Variants in LIN54 observed in about 807,000 individuals in gnomAD.
The protein encoded by LIN54 is protein lin-54 homolog.
A neutral mutation model predicts 78.7 loss-of-function variants in LIN54; 9 were observed. That is an observed-to-expected ratio of 0.11 (90% CI 0.07 to 0.20). LIN54 has a LOEUF of 0.20. Ranked by LOEUF, LIN54 falls within the 10% of genes least tolerant of loss-of-function variation. LIN54 has a pLI of 1.00. For missense variants in LIN54, 573 were observed against 889.9 expected (o/e 0.64, Z 4.53); for synonymous variants, 269 against 318.4 (o/e 0.84, Z 1.65).
chr4:82,942,203 T>A (rs1226694751), intron 5 of LIN54, among the ~76,000 whole-genome samples: 3 of 152,128 alleles, frequency 2.0e-5, no homozygotes, highest in Non-Finnish European at 4.4e-5. Context: ...CTGAGAGTCC[T>A]AGAAGAGAAT....
At chr4:82,955,986 G>T (rs1383969570) in intron 4 of LIN54, among the ~76,000 whole-genome samples, 3 of 152,146 alleles carry the variant, frequency 2.0e-5, no homozygotes, top group Admixed American at 2.0e-4. Flanking sequence ...TTTTGAGATG[G>T]AGTCTTGCTC....
chr4:82,967,208 G>C (rs929248308), intron 4 of LIN54, among the ~76,000 whole-genome samples: 5 of 146,864 alleles, frequency 3.4e-5, no homozygotes, highest in African/African-American at 1.3e-4. Flanking sequence ...CCTGGTGACA[G>C]AGCAAGACTC....
intron 4 of LIN54, among the ~76,000 whole-genome samples, chr4:82,955,181 T>C (rs1204212131): frequency 2.0e-5 from 3 of 152,064 alleles, no homozygotes; most frequent in Admixed American, 1.3e-4. Flanking sequence ...CTGGCCAACA[T>C]GTTGAAACCT....
At chr4:83,011,079 G>T (rs1729832055), upstream of LIN54, among the ~76,000 whole-genome samples, 1 of 152,214 alleles carries the variant, frequency 6.6e-6, no homozygotes, top group African/African-American at 2.4e-5. Flanking sequence ...CCATGCGGAG[G>T]GTGGCATAAG....
chr4:83,007,994 C>T (rs1729542122), intron 1 of LIN54, among the ~76,000 whole-genome samples: 1 of 152,102 alleles, frequency 6.6e-6, no homozygotes, highest in South Asian at 2.1e-4. Context: ...CAGATTACAC[C>T]TTCACCATGA....
intron 1 of LIN54, among the ~76,000 whole-genome samples, chr4:83,000,974 C>T (rs1040648624): frequency 1.6e-4 from 24 of 151,918 alleles, no homozygotes; most frequent in African/African-American, 5.5e-4. Flanking sequence ...CGCGCCACCA[C>T]GCCCAGCTAA....
intron 1 of LIN54, among the ~76,000 whole-genome samples, chr4:83,000,929 T>C (rs1463957336): frequency 6.6e-6 from 1 of 150,496 alleles, no homozygotes; most frequent in Non-Finnish European, 1.5e-5. Context: ...GCAATTCTCC[T>C]GCCTCAGCCT....
chr4:82,946,307 G>A lies in LIN54; in HGVS notation c.1119C>T (p.Thr373=), dbSNP rs1723356872. 6.2e-7 allele frequency: 1 copy of A among 1,614,090 alleles called. No individual in the cohort carries two copies. Among genetic ancestry groups the A allele is most frequent in the Non-Finnish European group, 8.5e-7 (1 of 1,180,030 alleles). Residue 373 remains threonine (T), a synonymous_variant, in exon 5 of 13, where the codon ACC becomes ACT. Coordinates refer to ENST00000340417, the MANE Select transcript of LIN54 (RefSeq NM_194282.4). ...TACTGGGATTCTGACTAACTGGCTG[G>A]GTTGAGCTACTGGCTGATGTGGCAG... ...LVTATSASSS[T]QPVSQNPSTN... is the part of the protein sequence containing the mutation.
At chr4:82,970,717 CTGT>C (rs1240762888) in intron 3 of LIN54, among the ~76,000 whole-genome samples, 1 of 152,190 alleles carries the variant, frequency 6.6e-6, no homozygotes, top group African/African-American at 2.4e-5. Flanking sequence ...TTCATCAATA[CTGT>C]TGTTATATCC....
At chr4:83,010,930 A>C, upstream of LIN54, 1 of 893,790 alleles carries the variant, frequency 1.1e-6, no homozygotes, top group Non-Finnish European at 1.4e-6. Context: ...CAAACGCACA[A>C]GGGCCGTGCA....
chr4:82,946,123 C>T, intron 5 of LIN54, 135 bp downstream of exon 5: 1 of 712,724 alleles, frequency 1.4e-6, no homozygotes, highest in East Asian at 2.5e-5. Flanking sequence ...TTCTATTTCA[C>T]TGCCTTCTGC....
At chr4:82,953,281 T>G (rs1005103260) in intron 4 of LIN54, among the ~76,000 whole-genome samples, 2 of 152,188 alleles carry the variant, frequency 1.3e-5, no homozygotes, top group Non-Finnish European at 2.9e-5. Context: ...TGTGCCAGCA[T>G]GCAAGACTGG....
chr4:82,965,817 G>C (rs34461308), intron 4 of LIN54, among the ~76,000 whole-genome samples: 2 of 152,152 alleles, frequency 1.3e-5, no homozygotes, highest in African/African-American at 4.8e-5. Flanking sequence ...GCAGACTCAA[G>C]GCAGATAGCA....
chr4:82,932,102 T>A (rs1200739027), intron 11 of LIN54, among the ~76,000 whole-genome samples: 3 of 148,214 alleles, frequency 2.0e-5, no homozygotes, highest in African/African-American at 7.5e-5. Flanking sequence ...ATTTTTTTTT[T>A]TTTTTTTTTT....
chr4:83,003,531 A>C (rs1330690759), intron 1 of LIN54: 1 of 152,022 alleles, frequency 6.6e-6, no homozygotes, highest in Non-Finnish European at 1.5e-5. Flanking sequence ...AAATTAAAAC[A>C]ATAAATTTTT....
chr4:83,001,486 G>A (rs1339288657), intron 1 of LIN54, among the ~76,000 whole-genome samples: 2 of 151,974 alleles, frequency 1.3e-5, no homozygotes, highest in Non-Finnish European at 2.9e-5. Context: ...GGAGGTCAAG[G>A]ATGCGGTGAG....
At position 82,979,019 on chromosome 4, in the gene LIN54, A is replaced by AAT; in HGVS notation, c.685-15_685-14dup. On this transcript the variant is annotated splice_polypyrimidine_tract_variant and intron_variant, in intron 2 of 12. Transcript: ENST00000340417. ...GCTTCTTAGCAATCTGAAACATATA[A>AAT]ATAACTATGAAGACCATCTGTTTCT... is the stretch of plus-strand genomic sequence containing the variant. 6.5e-7 allele frequency: 1 copy of AAT among 1,549,792 alleles called. No individual in the cohort carries two copies. Among genetic ancestry groups the AAT allele is most frequent in the Non-Finnish European group, 8.8e-7 (1 of 1,137,360 alleles).
intron 3 of LIN54, among the ~76,000 whole-genome samples, chr4:82,976,525 T>C (rs993985218): frequency 1.3e-5 from 2 of 152,034 alleles, no homozygotes; most frequent in Non-Finnish European, 2.9e-5. Flanking sequence ...CTGGCCAACA[T>C]GGTGAAACCC....
intron 11 of LIN54, among the ~76,000 whole-genome samples, chr4:82,933,379 CAA>C (rs111591156): frequency 9.5e-5 from 13 of 136,180 alleles, no homozygotes; most frequent in Non-Finnish European, 1.1e-4. Flanking sequence ...TCCCCTATAC[CAA>C]AAAAAAAAAA....
Sources: allele counts gnomAD v4.1 joint callset (sites outside exome capture counted in the v4.1 genomes callset), GRCh38; gene constraint gnomAD v4.1.1; transcripts MANE v1.5; gene names NCBI Gene and HGNC (gene_info 2026-07-23, HGNC 2026-07-21).